GRIK3: variants seen among roughly 807,000 people sequenced by gnomAD.
The protein encoded by GRIK3 is glutamate receptor ionotropic, kainate 3.
GRIK3 carries 29 observed loss-of-function variants against 102.5 expected under a neutral mutation model. That is an observed-to-expected ratio of 0.28 (90% CI 0.21 to 0.39). GRIK3 has a LOEUF of 0.39. GRIK3 is among the 10% of genes least tolerant of loss of function. The pLI is 1.00. For synonymous variants in GRIK3, 511 were observed against 504.9 expected (o/e 1.01, Z -0.16); for missense variants, 908 against 1,252.4 (o/e 0.73, Z 4.15).
chr1:36,914,996 A>G (rs937368767), intron 1 of GRIK3, among the ~76,000 whole-genome samples: 1 of 152,238 alleles, frequency 6.6e-6, no homozygotes, highest in Non-Finnish European at 1.5e-5. Context: ...TATTATCATT[A>G]GCACATGAGG....
intron 1 of GRIK3, 60 bp from the exon 2 acceptor site, chr1:36,891,156 T>C (rs772383023): frequency 7.6e-7 from 1 of 1,318,858 alleles, no homozygotes; most frequent in Non-Finnish European, 1.1e-6. Flanking sequence ...CTAGCAAGGA[T>C]GCTTGGCTCA....
Position 36,796,886 on chromosome 1 carries a change from A to G in GRIK3, c.*4965T>C, listed in dbSNP as rs571672784. On this transcript the variant is annotated 3_prime_UTR_variant, in exon 16 of 16. Transcript: ENST00000373091. The stretch of plus-strand genomic sequence containing the variant: ...TTTCCCAGCCCTTCTGCTCCTGATG[A>G]ATTGCCCCAGAACTAGAATGTAATA... 1 of 152,284 alleles carries G rather than the reference A, an allele frequency of 6.6e-6. No homozygotes were observed. The highest frequency in any genetic ancestry group is 2.1e-4 in the South Asian group (1 of 4,812). 9.4% of individuals were successfully genotyped at this position (152,284 alleles called of 1,614,324 possible). A position where few individuals can be genotyped will look rare whatever the true frequency, so the allele number is the denominator to read the frequency against.
chr1:37,027,347 T>A (rs1249646646), intron 1 of GRIK3, among the ~76,000 whole-genome samples: 1 of 152,080 alleles, frequency 6.6e-6, no homozygotes, highest in East Asian at 1.9e-4. Flanking sequence ...TTTGGTCTGA[T>A]CTCTCCAAAT....
intron 3 of GRIK3, among the ~76,000 whole-genome samples, chr1:36,874,067 C>CT (rs1305437428): frequency 6.6e-6 from 1 of 152,144 alleles, no homozygotes; most frequent in African/African-American, 2.4e-5. Context: ...TGCCCCCAAA[C>CT]TTTTTTTGCT....
At chr1:36,897,653 G>A (rs1380452276) in intron 1 of GRIK3, among the ~76,000 whole-genome samples, 2 of 152,156 alleles carry the variant, frequency 1.3e-5, no homozygotes. Context: ...AAATGCTACT[G>A]AGGATGTGGA....
chr1:36,844,784 T>C (rs189058362), intron 9 of GRIK3, among the ~76,000 whole-genome samples: 46 of 152,324 alleles, frequency 3.0e-4, no homozygotes, highest in Admixed American at 1.8e-3. Context: ...ATCTTTTTCT[T>C]GTATGCTATT....
At chr1:37,029,247 G>T (rs1487323386) in intron 1 of GRIK3, among the ~76,000 whole-genome samples, 1 of 152,224 alleles carries the variant, frequency 6.6e-6, no homozygotes, top group African/African-American at 2.4e-5. Context: ...CAGAGCTGCA[G>T]CCCTACCACA....
intron 15 of GRIK3, among the ~76,000 whole-genome samples, chr1:36,802,520 G>A (rs898412105): frequency 2.0e-5 from 3 of 152,176 alleles, no homozygotes; most frequent in African/African-American, 7.2e-5. Flanking sequence ...TCCAACTAAG[G>A]GGAAGAATCA....
At chr1:36,923,715 C>G (rs902034949) in intron 1 of GRIK3, among the ~76,000 whole-genome samples, 1 of 152,210 alleles carries the variant, frequency 6.6e-6, no homozygotes, top group African/African-American at 2.4e-5. Flanking sequence ...AGGATAAATC[C>G]TAGTGTTTAC....
chr1:36,880,450 C>T lies in GRIK3; in HGVS notation c.550+184G>A, dbSNP rs1006735907. ...CTGGGGCTGAGTGAGATATGAGTGC[C>T]GCTGGGGTGCACAGGGTGTGAGTGG... On this transcript the variant is annotated intron_variant, in intron 3 of 15. Transcript: ENST00000373091. This position sits in a 1 kb window ranked among gnomAD's most constrained non-coding sequence, Gnocchi z 5.4. Among the ~76,000 whole-genome samples, 2 of 151,960 alleles carry T rather than the reference C, an allele frequency of 1.3e-5. No homozygotes were observed. Among genetic ancestry groups the T allele is most frequent in the African/African-American group, 4.8e-5 (2 of 41,330 alleles).
intron 1 of GRIK3, among the ~76,000 whole-genome samples, chr1:37,029,479 C>T (rs1368753218): frequency 6.6e-6 from 1 of 152,242 alleles, no homozygotes; most frequent in Non-Finnish European, 1.5e-5. Flanking sequence ...GAGACAGGGG[C>T]AGCTGCTGTG....
chr1:37,008,977 G>A (rs1259820305), intron 1 of GRIK3, among the ~76,000 whole-genome samples: 4 of 152,106 alleles, frequency 2.6e-5, no homozygotes, highest in East Asian at 1.9e-4. Context: ...CAGACTGTCC[G>A]CAGTCAAATC....
chr1:36,939,439 C>T (rs962788906), intron 1 of GRIK3, among the ~76,000 whole-genome samples: 18 of 152,198 alleles, frequency 1.2e-4, no homozygotes, highest in African/African-American at 3.9e-4. Flanking sequence ...CAGCCATCCC[C>T]GCTTAGAAGA....
At chr1:36,996,272 A>G (rs1642418526) in intron 1 of GRIK3, among the ~76,000 whole-genome samples, 1 of 152,236 alleles carries the variant, frequency 6.6e-6, no homozygotes, top group South Asian at 2.1e-4. Flanking sequence ...AATCACACCT[A>G]GCTAATCACG....
At chr1:36,924,331 T>A (rs1446940268) in intron 1 of GRIK3, among the ~76,000 whole-genome samples, 1 of 152,186 alleles carries the variant, frequency 6.6e-6, no homozygotes, top group Non-Finnish European at 1.5e-5. Context: ...CGGGTGCAAC[T>A]GGACGAAAGC....
Position 36,852,453 on chromosome 1 carries a change from G to A in GRIK3, c.1212+1162C>T, listed in dbSNP as rs1640596675. On this transcript the variant is annotated intron_variant, in intron 8 of 15. Coordinates refer to ENST00000373091, the MANE Select transcript of GRIK3 (RefSeq NM_000831.4). Reference sequence around the variant, plus strand: ...GCCATGGGGTATGTTTCAGGGAAATGTGGAAACGAGGCCCAGAAGGGCCAG... The same window carrying A: ...GCCATGGGGTATGTTTCAGGGAAATATGGAAACGAGGCCCAGAAGGGCCAG... 2.0e-5 allele frequency among the ~76,000 whole-genome samples: 3 copies of A among 152,330 alleles called. No individual in the cohort carries two copies. The South Asian group carries it at 6.2e-4, about 32-fold the overall frequency.
At chr1:36,923,438 C>T (rs1173278599) in intron 1 of GRIK3, among the ~76,000 whole-genome samples, 1 of 152,050 alleles carries the variant, frequency 6.6e-6, no homozygotes, top group East Asian at 1.9e-4. Flanking sequence ...AGAAATCTGA[C>T]ATTTTGACCC....
intron 1 of GRIK3, among the ~76,000 whole-genome samples, chr1:37,007,158 C>T (rs1167586297): frequency 2.0e-5 from 3 of 152,230 alleles, no homozygotes; most frequent in African/African-American, 7.2e-5. Context: ...GCATAGGGCA[C>T]CACTACATGC....
intron 1 of GRIK3, among the ~76,000 whole-genome samples, chr1:36,949,521 G>A (rs917954991): frequency 2.0e-5 from 3 of 146,980 alleles, no homozygotes; most frequent in Non-Finnish European, 4.5e-5. Flanking sequence ...CTCTTATTGT[G>A]TACTTTGCAT....
Sources: gnomAD v4.1 joint callset for allele counts (sites outside exome capture counted in the v4.1 genomes callset) on GRCh38, gnomAD v4.1.1 for gene constraint, Gnocchi (gnomAD v3.1) non-coding constraint, MANE v1.5 for transcripts, NCBI Gene and HGNC (gene_info 2026-07-23, HGNC 2026-07-21) for gene names.